DLG2: variants seen among roughly 807,000 people sequenced by gnomAD.
DLG2 encodes the protein disks large homolog 2.
A neutral mutation model predicts 132.5 loss-of-function variants in DLG2; 45 were observed. The ratio of observed to expected loss-of-function variants is 0.34; its 90% CI spans 0.27 to 0.44. DLG2 has a LOEUF of 0.44. DLG2 is among the 20% of genes least tolerant of loss of function. DLG2 has a pLI of 1.00. For synonymous variants in DLG2, 424 were observed against 419.6 expected, an observed-to-expected ratio of 1.01 and a Z score of -0.13; for missense variants, 1,045 against 1,196.9, an observed-to-expected ratio of 0.87 and a Z score of 1.87.
intron 6 of DLG2, among the ~76,000 whole-genome samples, chr11:84,826,158 C>T (rs760129974): frequency 9.2e-5 from 14 of 151,820 alleles, no homozygotes; most frequent in Non-Finnish European, 1.2e-4. Context: ...AGGTTAAATA[C>T]GGTACCCATC....
At chr11:85,457,724 T>C (rs1475048763) in intron 3 of DLG2, among the ~76,000 whole-genome samples, 1 of 152,250 alleles carries the variant, frequency 6.6e-6, no homozygotes, top group Admixed American at 6.5e-5. Context: ...AAATTCTGAG[T>C]TGAAAATTAT....
chr11:84,182,478 C>G (rs1416304770), intron 8 of DLG2, among the ~76,000 whole-genome samples: 2 of 150,962 alleles, frequency 1.3e-5, no homozygotes, highest in East Asian at 3.9e-4. Context: ...ACAGTGAGCC[C>G]TGATCATGCT....
chr11:84,774,399 T>C (rs1038669199), intron 6 of DLG2, among the ~76,000 whole-genome samples: 2 of 152,142 alleles, frequency 1.3e-5, no homozygotes, highest in African/African-American at 4.8e-5. Context: ...ATGCTATTTC[T>C]ATCAAACGAC....
chr11:83,962,144 A>G (rs559156488), intron 14 of DLG2, among the ~76,000 whole-genome samples: 1 of 152,196 alleles, frequency 6.6e-6, no homozygotes, highest in Non-Finnish European at 1.5e-5. Context: ...TTCTTTACAC[A>G]CAAACACATA....
At chr11:84,230,159 GA>G (rs1455558215) in intron 8 of DLG2, among the ~76,000 whole-genome samples, 1 of 152,100 alleles carries the variant, frequency 6.6e-6, no homozygotes, top group Non-Finnish European at 1.5e-5. Context: ...TGTCATGATA[GA>G]ACAGTAAACT....
intron 16 of DLG2, among the ~76,000 whole-genome samples, chr11:83,840,357 A>G (rs1450834891): frequency 1.3e-5 from 2 of 152,216 alleles, no homozygotes. Context: ...GTATTAAATG[A>G]ATGGATAAAC....
intron 3 of DLG2, among the ~76,000 whole-genome samples, chr11:85,584,943 CTG>C (rs2078869497): frequency 6.6e-6 from 1 of 152,226 alleles, no homozygotes; most frequent in African/African-American, 2.4e-5. Flanking sequence ...TTCTCCCACT[CTG>C]TGGGTTGTCT....
At chr11:85,510,916 T>C (rs1463833135) in intron 3 of DLG2, among the ~76,000 whole-genome samples, 1 of 152,160 alleles carries the variant, frequency 6.6e-6, no homozygotes, top group African/African-American at 2.4e-5. Flanking sequence ...TAAAGACACG[T>C]GCACACGTAT....
At chr11:83,759,649 G>A (rs2093813452) in intron 18 of DLG2, among the ~76,000 whole-genome samples, 1 of 152,084 alleles carries the variant, frequency 6.6e-6, no homozygotes, top group South Asian at 2.1e-4. Context: ...ACTTCCCTCT[G>A]TGAGAGAGGT....
chr11:85,589,310 G>A (rs1157207297), intron 3 of DLG2, among the ~76,000 whole-genome samples: 5 of 152,192 alleles, frequency 3.3e-5, no homozygotes, highest in Admixed American at 6.5e-5. Flanking sequence ...ACTACAGGCA[G>A]AAGGTGGTGC....
At chr11:84,270,179 C>T (rs990789175) in intron 7 of DLG2, among the ~76,000 whole-genome samples, 11 of 152,190 alleles carry the variant, frequency 7.2e-5, no homozygotes, top group African/African-American at 2.7e-4. Context: ...GTCCTTATGC[C>T]TCCAATGATG....
intron 6 of DLG2, among the ~76,000 whole-genome samples, chr11:84,570,522 C>A (rs1339519717): frequency 1.3e-5 from 2 of 152,142 alleles, no homozygotes; most frequent in African/African-American, 4.8e-5. Flanking sequence ...ATGCCTGGCA[C>A]ATAGTAGGTG....
intron 6 of DLG2, among the ~76,000 whole-genome samples, chr11:84,880,356 G>T (rs1319907415): frequency 6.6e-6 from 1 of 152,068 alleles, no homozygotes; most frequent in Non-Finnish European, 1.5e-5. Flanking sequence ...AGACATTAAA[G>T]TGCCCAGCCA....
At chr11:83,487,024 G>C (rs1591667931) in intron 21 of DLG2, among the ~76,000 whole-genome samples, 1 of 150,244 alleles carries the variant, frequency 6.7e-6, no homozygotes, top group Admixed American at 6.6e-5. Flanking sequence ...TTACACGAGT[G>C]CTAGGTGAGA....
At chr11:83,923,751 A>G (rs117513447) in intron 15 of DLG2, among the ~76,000 whole-genome samples, 3,271 of 152,140 alleles carry the variant, frequency 0.021, 126 homozygotes, top group Non-Finnish European at 0.023. Context: ...TCAGTTCTTC[A>G]TTATTTCAAC....
intron 7 of DLG2, chr11:84,316,753 C>A: frequency 6.9e-7 from 1 of 1,459,510 alleles, no homozygotes; most frequent in East Asian, 2.4e-5. Flanking sequence ...GTTTCCAAGC[C>A]ATTCTAACCT....
At chr11:84,415,018 G>C (rs765980015) in intron 7 of DLG2, among the ~76,000 whole-genome samples, 3 of 152,110 alleles carry the variant, frequency 2.0e-5, no homozygotes, top group Non-Finnish European at 2.9e-5. Context: ...TCCACTTTAA[G>C]ACACTTCCTG....
chr11:83,661,768 G>C (rs998151023), intron 18 of DLG2, among the ~76,000 whole-genome samples: 1 of 152,044 alleles, frequency 6.6e-6, no homozygotes, highest in Non-Finnish European at 1.5e-5. Flanking sequence ...CTGGATTCAA[G>C]TAAATCCGCT....
In DLG2 at chr11:85,161,311, T is replaced by C. The variant is rs529609648; in HGVS notation, c.187-6660A>G. 2.6e-5 allele frequency among the ~76,000 whole-genome samples: 4 copies of C among 152,304 alleles called. No individual in the cohort carries two copies. In the East Asian group the frequency reaches 5.8e-4, roughly 22 times the overall value. On this transcript the variant is annotated intron_variant, in intron 4 of 27. Coordinates refer to ENST00000376104, the MANE Select transcript of DLG2 (RefSeq NM_001142699.3). Reference sequence around the variant, plus strand: ...GCCATGGTGGTAGGGTTGGAGGTTATACATGGGCTCAGCAACATGCAGTTC... The same window carrying C: ...GCCATGGTGGTAGGGTTGGAGGTTACACATGGGCTCAGCAACATGCAGTTC...
Sources: gnomAD v4.1 joint callset for allele counts (sites outside exome capture counted in the v4.1 genomes callset) on GRCh38, gnomAD v4.1.1 for gene constraint, MANE v1.5 for transcripts, NCBI Gene and HGNC (gene_info 2026-07-23, HGNC 2026-07-21) for gene names.